DLGAP3: variants seen among roughly 807,000 people sequenced by gnomAD.
DLGAP3 encodes the protein DLG associated protein 3.
A neutral mutation model predicts 81.2 loss-of-function variants in DLGAP3; 17 were observed. The observed-to-expected ratio is 0.21, with a 90% CI of 0.14 to 0.31. The LOEUF is 0.31. Ranked by LOEUF, DLGAP3 falls within the 10% of genes least tolerant of loss-of-function variation. The pLI is 1.00. For missense variants in DLGAP3, 1,124 were observed against 1,388.0 expected, an observed-to-expected ratio of 0.81 and a Z score of 3.02; for synonymous variants, 577 against 587.4, an observed-to-expected ratio of 0.98 and a Z score of 0.26.
In DLGAP3 at chr1:34,913,291, A is replaced by G. The variant is rs1018066974; in HGVS notation, c.-134-5854T>C. 3.3e-5 allele frequency among the ~76,000 whole-genome samples: 5 copies of G among 152,290 alleles called. No individual in the cohort carries two copies. In the Middle Eastern group the frequency reaches 0.017, roughly 518 times the overall value. ...ACACTCGAGCCATTTAGGCAGATAC[A>G]AGTCTAAATCCATCTCCTGACCCAC... On this transcript the variant is annotated intron_variant, in intron 1 of 11. Coordinates refer to ENST00000373347, the MANE Select transcript of DLGAP3 (RefSeq NM_001080418.3).
At chr1:34,918,850 C>T (rs1170052037) in intron 1 of DLGAP3, among the ~76,000 whole-genome samples, 1 of 152,172 alleles carries the variant, frequency 6.6e-6, no homozygotes, top group Non-Finnish European at 1.5e-5. Context: ...GAACACCAGC[C>T]CCACCCTGCC....
chr1:34,926,363 C>T (rs988695329), intron 1 of DLGAP3, among the ~76,000 whole-genome samples: 10 of 152,196 alleles, frequency 6.6e-5, no homozygotes, highest in Admixed American at 5.2e-4. Flanking sequence ...GTTACCATAA[C>T]GATGGTGCCA....
chr1:34,915,719 T>C (rs1330639073), intron 1 of DLGAP3, among the ~76,000 whole-genome samples: 2 of 152,204 alleles, frequency 1.3e-5, no homozygotes, highest in Non-Finnish European at 2.9e-5. Context: ...CCCTCAGCTC[T>C]GCCTGAAACC....
intron 1 of DLGAP3, among the ~76,000 whole-genome samples, chr1:34,918,162 C>T (rs1639744894): frequency 6.6e-6 from 1 of 152,216 alleles, no homozygotes; most frequent in African/African-American, 2.4e-5. Context: ...GCATGGTTCT[C>T]TAGTGCCACA....
chr1:34,886,126 C>A lies in DLGAP3; in HGVS notation c.1546G>T (p.Asp516Tyr), dbSNP rs1260213507. 1 of 1,607,452 alleles carries A rather than the reference C, an allele frequency of 6.2e-7. No homozygotes were observed. The highest frequency in any genetic ancestry group is 1.3e-5 in the African/African-American group (1 of 75,030). ...AIQAGCSQDD[D>Y]CLPLLATPAA... ...GGGGTAGCGAGGAGGGGCAGGCAGT[C>A]GTCGTCTTGAGAGCAGCCGGCCTGG... The change falls in exon 6 of 12, where the codon GAC (aspartate) becomes TAC (tyrosine). Residue 516 changes from aspartate to tyrosine, a missense_variant. By Grantham distance (160) the Asp-to-Tyr change is radical (BLOSUM62 -3). Transcript: ENST00000373347.
In DLGAP3 at chr1:34,904,770, C is replaced by A; in HGVS notation, c.614G>T (p.Gly205Val). Reference protein sequence around the residue: ...YNGPKAEGRGGSGGDSYPGPG... With the variant: ...YNGPKAEGRGVSGGDSYPGPG... ...GCCGGGGTAGCTGTCTCCTCCAGAGCCACCTCTTCCCTCAGCCTTGGGCCC... is the reference window on the plus strand; with the variant it reads ...GCCGGGGTAGCTGTCTCCTCCAGAGACACCTCTTCCCTCAGCCTTGGGCCC... The change falls in exon 3 of 12, where the codon GGC becomes GTC. Residue 205 changes from glycine (G) to valine (V), a missense_variant. By Grantham distance (109) the Gly-to-Val change is moderately radical. This residue lies in a region of DLGAP3 where 3 missense variants were observed against 18.8 expected (regional missense o/e 0.16). Transcript: ENST00000373347. The surrounding 1 kb of genome is among the most constrained non-coding windows in gnomAD (Gnocchi z 8.1). 2.5e-6 allele frequency: 4 copies of A among 1,611,136 alleles called. No individual in the cohort carries two copies. The highest frequency in any genetic ancestry group is 3.4e-6 in the Non-Finnish European group (4 of 1,180,004).
At position 34,900,241 on chromosome 1, in the gene DLGAP3, G is replaced by A. The variant is rs149715442; in HGVS notation, c.1140C>T (p.Thr380=). Residue 380 remains threonine, a synonymous_variant, in exon 4 of 12, where the codon ACC becomes ACT. Coordinates refer to ENST00000373347, the MANE Select transcript of DLGAP3 (RefSeq NM_001080418.3). This position sits in a 1 kb window ranked among gnomAD's most constrained non-coding sequence, Gnocchi z 5.6. Reference sequence around the variant, plus strand: ...AGGGGATCTCCCCATCCTTGCCACCGGTGGGGTAACCCCCCCAGTCATCTT... The same window carrying A: ...AGGGGATCTCCCCATCCTTGCCACCAGTGGGGTAACCCCCCCAGTCATCTT... The part of the protein sequence containing the change: ...VPQDDWGGYP[T]GGKDGEIPCR... The A allele has an allele frequency of 2.2e-5, 36 of 1,613,896 alleles. No homozygotes were observed. In the East Asian group the frequency reaches 2.5e-4, roughly 11 times the overall value.
At chr1:34,911,024 C>A (rs569410727) in intron 1 of DLGAP3, among the ~76,000 whole-genome samples, 983 of 65,978 alleles carry the variant, frequency 0.015, 20 homozygotes, top group African/African-American at 0.033. Context: ...TATTATCCAC[C>A]CCCCCCCCAC....
chr1:34,900,401 G>A lies in DLGAP3; in HGVS notation c.1108-128C>T. 2.1e-6 allele frequency: 2 copies of A among 944,444 alleles called. No individual in the cohort carries two copies. Among genetic ancestry groups the A allele is most frequent in the South Asian group, 2.7e-5 (2 of 74,272 alleles). 58.5% of individuals were successfully genotyped at this position (944,444 alleles called of 1,614,324 possible). On this transcript the variant is annotated intron_variant, in intron 3 of 11. Coordinates refer to ENST00000373347, the MANE Select transcript of DLGAP3 (RefSeq NM_001080418.3). The surrounding 1 kb of genome is among the most constrained non-coding windows in gnomAD (Gnocchi z 5.6). ...ACAGGCACACTCAGGTACATGCAGA[G>A]GCAGAAGGGGAGGTAGGGTCTCAGG...
At chr1:34,907,700 G>A (rs1046794756) in intron 1 of DLGAP3, among the ~76,000 whole-genome samples, 2 of 152,238 alleles carry the variant, frequency 1.3e-5, no homozygotes, top group African/African-American at 2.4e-5. Flanking sequence ...GAGCCACTGC[G>A]TTGTTTTTTC....
chr1:34,885,403 G>C, intron 7 of DLGAP3, 75 bp downstream of exon 7: 1 of 1,489,322 alleles, frequency 6.7e-7, no homozygotes, highest in Non-Finnish European at 9.2e-7. Context: ...ATATCCAGAA[G>C]GCCGCTTCCA....
rs1412663202 is a variant in DLGAP3, at chr1:34,900,365, C to G, written c.1108-92G>C. On this transcript the variant is annotated intron_variant, in intron 3 of 11. Coordinates refer to ENST00000373347, the MANE Select transcript of DLGAP3 (RefSeq NM_001080418.3). This position sits in a 1 kb window ranked among gnomAD's most constrained non-coding sequence, Gnocchi z 5.6. ...CCCACTGCCAGTGGGAGATGCCCTG[C>G]CCTGGCTTGAACAGGCACACTCAGG... The G allele has an allele frequency of 3.5e-5, 48 of 1,384,826 alleles. No homozygotes were observed. In the East Asian group the frequency reaches 1.1e-3, roughly 32 times the overall value. The allele number at this position is 1,384,826 out of a possible 1,614,324, so 85.8% of individuals were successfully genotyped here. A position where few individuals can be genotyped will look rare whatever the true frequency, so the allele number is the denominator to read the frequency against.
chr1:34,871,384 T>A (rs1172587380), intron 8 of DLGAP3, among the ~76,000 whole-genome samples: 1 of 152,180 alleles, frequency 6.6e-6, no homozygotes, highest in Non-Finnish European at 1.5e-5. Flanking sequence ...CCTTAAGTCC[T>A]GTTTTACCTG....
chr1:34,899,061 C>T (rs1355446953), intron 5 of DLGAP3, among the ~76,000 whole-genome samples: 7 of 150,802 alleles, frequency 4.6e-5, no homozygotes, highest in African/African-American at 1.5e-4. Flanking sequence ...GCTTGGCCTG[C>T]GCCCTGTCTG....
At chr1:34,924,858 A>G (rs1176796100) in intron 1 of DLGAP3, among the ~76,000 whole-genome samples, 4 of 152,222 alleles carry the variant, frequency 2.6e-5, no homozygotes, top group African/African-American at 9.6e-5. Flanking sequence ...GGAGAACTCC[A>G]AATCCATATT....
chr1:34,878,174 G>T (rs772694896), intron 8 of DLGAP3, among the ~76,000 whole-genome samples: 4 of 152,102 alleles, frequency 2.6e-5, no homozygotes, highest in African/African-American at 4.8e-5. Flanking sequence ...AGGTGTGGTG[G>T]CACATGCCTG....
In DLGAP3 at chr1:34,905,311, C is replaced by G; in HGVS notation, c.73G>C (p.Val25Leu). Residue 25 changes from valine (V) to leucine (L), a missense_variant, in exon 3 of 12, where the codon GTG becomes CTG. This residue lies in a region of DLGAP3 where 167 missense variants were observed against 172.1 expected (regional missense o/e 0.97). Transcript: ENST00000373347. ...TATGGGGCCCTGGCAGCAGGGCCCA[C>G]GTCCATATGCTGTTGGTCAGCAAAG... is the stretch of plus-strand genomic sequence containing the variant. ...ARFADQQHMD[V>L]GPAARAPYLL... 2 of 1,563,684 alleles carry G rather than the reference C, an allele frequency of 1.3e-6. No homozygotes were observed. Among genetic ancestry groups the G allele is most frequent in the Non-Finnish European group, 8.7e-7 (1 of 1,153,952 alleles).
Position 34,929,612 on chromosome 1 carries a change from G to A in DLGAP3, c.-296C>T, listed in dbSNP as rs1275360124. ...AGCCCCAAGCGAGCGCCGAGCGGCA[G>A]CGGGCGCGGGAGCGGGAGGCGGCCA... On this transcript the variant is annotated 5_prime_UTR_variant, in exon 1 of 12. Transcript: ENST00000373347. This position sits in a 1 kb window ranked among gnomAD's most constrained non-coding sequence, Gnocchi z 6.5. 1 of 150,782 alleles carries A rather than the reference G, an allele frequency of 6.6e-6. No homozygotes were observed. The highest frequency in any genetic ancestry group is 2.0e-4 in the East Asian group (1 of 5,096). 9.3% of individuals were successfully genotyped at this position (150,782 alleles called of 1,614,324 possible).
chr1:34,913,157 A>T (rs192362864), intron 1 of DLGAP3, among the ~76,000 whole-genome samples: 10 of 152,338 alleles, frequency 6.6e-5, no homozygotes, highest in African/African-American at 2.4e-4. Flanking sequence ...ACAGAAAGGA[A>T]GGAGGAAGGC....
Sources: gnomAD v4.1 joint callset for allele counts (sites outside exome capture counted in the v4.1 genomes callset) on GRCh38, gnomAD v4.1.1 for gene constraint, gnomAD v4.1.1 regional missense constraint, Gnocchi (gnomAD v3.1) non-coding constraint, MANE v1.5 for transcripts, NCBI Gene and HGNC (gene_info 2026-07-23, HGNC 2026-07-21) for gene names.